The following ANAPC1 variants were observed in gnomAD, a reference collection of about 807,000 sequenced individuals.
ANAPC1 encodes anaphase promoting complex subunit 1, also known as anaphase-promoting complex subunit 1.
A neutral mutation model predicts 208.0 loss-of-function variants in ANAPC1; 36 were observed. That is an observed-to-expected ratio of 0.17 (90% CI 0.13 to 0.23). The LOEUF (loss-of-function observed/expected upper bound fraction) is 0.23, where lower values mean the gene tolerates loss of function less well. Among genes scored for constraint, ANAPC1 ranks in the 10% least tolerant of loss-of-function variants. ANAPC1 has a pLI of 1.00. For synonymous variants in ANAPC1, 378 were observed against 695.2 expected, an observed-to-expected ratio of 0.54 and a Z score of 7.18; for missense variants, 942 against 2,011.6, an observed-to-expected ratio of 0.47 and a Z score of 10.17.
chr2:111,870,627 A>G (rs888907732), intron 6 of ANAPC1, among the ~76,000 whole-genome samples: 1 of 152,158 alleles, frequency 6.6e-6, no homozygotes, highest in African/African-American at 2.4e-5. Flanking sequence ...TAGTTTGCAA[A>G]TATTTTCTCC....
intron 37 of ANAPC1, among the ~76,000 whole-genome samples, chr2:111,792,980 A>G (rs1573336956): frequency 1.3e-5 from 2 of 152,326 alleles, no homozygotes; most frequent in East Asian, 3.9e-4. Context: ...GTAAATACAA[A>G]TATTTTCCCT....
intron 3 of ANAPC1, 112 bp from the exon 4 acceptor site, chr2:111,873,776 A>C (rs186668741): frequency 2.7e-6 from 3 of 1,092,290 alleles, no homozygotes; most frequent in East Asian, 3.0e-5. Flanking sequence ...TTGCCTCCTC[A>C]GCTCAACATG....
intron 21 of ANAPC1, among the ~76,000 whole-genome samples, chr2:111,827,857 T>G (rs1679922520): frequency 6.6e-6 from 1 of 152,168 alleles, no homozygotes; most frequent in African/African-American, 2.4e-5. Flanking sequence ...CAGAATATTT[T>G]TATAAATAAA....
Position 111,824,980 on chromosome 2 carries a change from C to A in ANAPC1, c.2798G>T (p.Trp933Leu). The change falls in exon 24 of 48, where the codon TGG becomes TTG. Residue 933 changes from tryptophan to leucine, a missense_variant. Coordinates refer to ENST00000341068, the MANE Select transcript of ANAPC1 (RefSeq NM_022662.4). ...GAAGCTCTCACCTACATTAGTCATCCAGACAACCAATCTTTCAGCTAGACT... is the reference window on the plus strand; with the variant it reads ...GAAGCTCTCACCTACATTAGTCATCAAGACAACCAATCTTTCAGCTAGACT... The part of the protein sequence containing the change: ...VSSLAERLVV[W>L]MTNVGFTLRD... The A allele has an allele frequency of 6.2e-7, 1 of 1,613,918 alleles. No homozygotes were observed. The highest frequency in any genetic ancestry group is 8.5e-7 in the Non-Finnish European group (1 of 1,179,862).
At position 111,851,798 on chromosome 2, in the gene ANAPC1, G is replaced by C. The variant is rs1334178239; in HGVS notation, c.1516-888C>G. ...GCACTCCAGCCCAGGCAACAAGAAC[G>C]AAACTCTGTCTCAAAAAAAAAAAAG... On this transcript the variant is annotated intron_variant, in intron 13 of 47. Transcript: ENST00000341068. Among the ~76,000 whole-genome samples the C allele has an allele frequency of 7.3e-5, 9 of 122,944 alleles. No individual in the cohort carries two copies. The East Asian group carries it at 2.1e-3, about 28-fold the overall frequency. 80.7% of individuals were successfully genotyped at this position (122,944 alleles called of 152,430 possible). A position where few individuals can be genotyped will look rare whatever the true frequency, so the allele number is the denominator to read the frequency against.
chr2:111,883,193 CA>C (rs57137394), intron 1 of ANAPC1, among the ~76,000 whole-genome samples: 81,900 of 138,040 alleles, frequency 0.59, 25,079 homozygotes, highest in South Asian at 0.69. Context: ...GAAAACCCCA[CA>C]AAAAAAAAAA....
In ANAPC1 at chr2:111,850,708, G is replaced by T. The variant is rs1681342566; in HGVS notation, c.1650+68C>A. 5 of 1,576,322 alleles carry T rather than the reference G, an allele frequency of 3.2e-6. No individual in the cohort carries two copies. In the Admixed American group the frequency reaches 7.6e-5, roughly 24 times the overall value. ...ACTAAAATTAAGTTAACCATGGAAA[G>T]AACTAATGTTTAACCAAACTTCTTT... is the stretch of plus-strand genomic sequence containing the variant. On this transcript the variant is annotated intron_variant, in intron 14 of 47. Coordinates refer to ENST00000341068, the MANE Select transcript of ANAPC1 (RefSeq NM_022662.4).
intron 20 of ANAPC1, among the ~76,000 whole-genome samples, chr2:111,831,953 C>A (rs1381857031): frequency 6.8e-6 from 1 of 148,122 alleles, no homozygotes; most frequent in South Asian, 2.2e-4. Context: ...TTTTATCCCA[C>A]CCTGGATGGA....
intron 13 of ANAPC1, among the ~76,000 whole-genome samples, chr2:111,852,930 G>A (rs539979307): frequency 6.6e-6 from 1 of 152,144 alleles, no homozygotes; most frequent in African/African-American, 2.4e-5. Context: ...CATGGGTGCA[G>A]TGAGCTGTGA....
chr2:111,825,058 A>G, intron 23 of ANAPC1, 22 bp from the exon 24 acceptor site: 4 of 1,613,882 alleles, frequency 2.5e-6, no homozygotes, highest in Non-Finnish European at 3.4e-6. Context: ...TAAAACATAA[A>G]GTTATTAAGC....
chr2:111,858,575 AC>A (rs1443651341), intron 10 of ANAPC1, among the ~76,000 whole-genome samples, 174 bp from the exon 11 acceptor site: 1 of 152,040 alleles, frequency 6.6e-6, no homozygotes, highest in Admixed American at 6.6e-5. Flanking sequence ...CCTGGCTAAC[AC>A]GGTGAAATCC....
At chr2:111,778,256 A>G (rs1247742355) in intron 45 of ANAPC1, among the ~76,000 whole-genome samples, 7 of 152,212 alleles carry the variant, frequency 4.6e-5, no homozygotes, top group African/African-American at 1.7e-4. Context: ...GGACTCTGTA[A>G]CCTCTTGCAA....
Position 111,810,576 on chromosome 2 carries a change from G to C in ANAPC1, c.3598-1395C>G, listed in dbSNP as rs1256463567. ...CTAAAATAGCCAATCTGTATGGTTAGAGTGTGGGGGAGCAAGAAGAGTGGG... is the reference window on the plus strand; with the variant it reads ...CTAAAATAGCCAATCTGTATGGTTACAGTGTGGGGGAGCAAGAAGAGTGGG... On this transcript the variant is annotated intron_variant, in intron 28 of 47. Transcript: ENST00000341068. Among the ~76,000 whole-genome samples the C allele has an allele frequency of 2.7e-5, 4 of 150,212 alleles. No homozygotes were observed. The South Asian group carries it at 8.6e-4, about 32-fold the overall frequency.
rs138975079 is a variant in ANAPC1 at position 111,824,667 on chromosome 2, T to A, written c.2812+299A>T. Among the ~76,000 whole-genome samples, 65 of 152,326 alleles carry A rather than the reference T, an allele frequency of 4.3e-4. No homozygotes were observed. In the East Asian group the frequency reaches 0.011, roughly 25 times the overall value. ...GTATCACAATGATTTCAGGTGTGTATGTAGGTGATTAGAGTTCTCCATTCT... is the reference window on the plus strand; with the variant it reads ...GTATCACAATGATTTCAGGTGTGTAAGTAGGTGATTAGAGTTCTCCATTCT... On this transcript the variant is annotated intron_variant, in intron 24 of 47. Transcript: ENST00000341068.
Position 111,825,173 on chromosome 2 carries a change from A to C in ANAPC1, c.2705-6T>G. On this transcript the variant is annotated splice_polypyrimidine_tract_variant and splice_region_variant and intron_variant, in intron 22 of 47. Coordinates refer to ENST00000341068, the MANE Select transcript of ANAPC1 (RefSeq NM_022662.4). ...TACTTGCAACTTCTGGGGGGCTAAA[A>C]GGCAACAAAATGAAACTTAATTTTG... 6.2e-7 allele frequency: 1 copy of C among 1,605,378 alleles called. No homozygotes were observed. The highest frequency in any genetic ancestry group is 8.5e-7 in the Non-Finnish European group (1 of 1,175,824).
intron 6 of ANAPC1, 147 bp downstream of exon 6, chr2:111,872,483 A>C: frequency 3.3e-6 from 2 of 613,636 alleles, no homozygotes; most frequent in East Asian, 6.2e-5. Flanking sequence ...AGGGATACTC[A>C]ACTTGTACTG....
chr2:111,829,763 A>ACAAG (rs1250638795), intron 21 of ANAPC1, among the ~76,000 whole-genome samples: 1 of 152,176 alleles, frequency 6.6e-6, no homozygotes, highest in Non-Finnish European at 1.5e-5. Flanking sequence ...GTAGCTATAG[A>ACAAG]CAAGCTGATT....
chr2:111,848,835 A>T (rs1681234991), intron 14 of ANAPC1, among the ~76,000 whole-genome samples: 1 of 152,118 alleles, frequency 6.6e-6, no homozygotes, highest in South Asian at 2.1e-4. Context: ...AGAGCCCAGG[A>T]AGAAAGGACA....
chr2:111,865,308 T>C (rs1382409575), intron 7 of ANAPC1, among the ~76,000 whole-genome samples: 2 of 152,200 alleles, frequency 1.3e-5, no homozygotes, highest in Non-Finnish European at 2.9e-5. Flanking sequence ...TCTGCCAAGT[T>C]TGACTTCCTT....
Sources: gnomAD v4.1 joint callset for allele counts (sites outside exome capture counted in the v4.1 genomes callset) on GRCh38, gnomAD v4.1.1 for gene constraint, MANE v1.5 for transcripts, NCBI Gene and HGNC (gene_info 2026-07-23, HGNC 2026-07-21) for gene names.